The following KALRN variants were observed in gnomAD, a reference collection of about 807,000 sequenced individuals.
KALRN encodes kalirin RhoGEF kinase, also known as kalirin.
A neutral mutation model predicts 353.7 loss-of-function variants in KALRN; 70 were observed. The observed-to-expected ratio is 0.20, with a 90% CI of 0.16 to 0.24. The LOEUF (loss-of-function observed/expected upper bound fraction) is 0.24. KALRN is among the 10% of genes least tolerant of loss of function. The pLI is 1.00. For synonymous variants in KALRN, 1,391 were observed against 1,434.8 expected, an observed-to-expected ratio of 0.97 and a Z score of 0.69; for missense variants, 2,791 against 3,756.7, an observed-to-expected ratio of 0.74 and a Z score of 6.72.
chr3:124,430,496 G>C (rs1333253102), intron 15 of KALRN, among the ~76,000 whole-genome samples, 160 bp from the exon 16 acceptor site: 1 of 152,148 alleles, frequency 6.6e-6, no homozygotes, highest in Non-Finnish European at 1.5e-5. Flanking sequence ...CTGTATGATT[G>C]GGGAGATGAC....
At chr3:124,699,847 C>T (rs2062235464) in intron 55 of KALRN, 22 bp from the exon 56 acceptor site, 2 of 1,612,574 alleles carry the variant, frequency 1.2e-6, no homozygotes, top group Non-Finnish European at 1.7e-6. Flanking sequence ...CTCTTTCCCT[C>T]TCCTGGGAAA....
chr3:124,263,486 G>T (rs985987348), intron 3 of KALRN, among the ~76,000 whole-genome samples: 1 of 152,088 alleles, frequency 6.6e-6, no homozygotes, highest in African/African-American at 2.4e-5. Context: ...CTGAGGCAGG[G>T]GGATCATTTG....
intron 47 of KALRN, among the ~76,000 whole-genome samples, chr3:124,670,953 C>T (rs529689118): frequency 6.6e-5 from 10 of 152,284 alleles, no homozygotes; most frequent in African/African-American, 2.4e-4. Context: ...GTCACAGTCT[C>T]ATCTCTCCCG....
chr3:124,263,746 C>A, intron 3 of KALRN, among the ~76,000 whole-genome samples: 1 of 152,048 alleles, frequency 6.6e-6, no homozygotes, highest in African/African-American at 2.4e-5. Flanking sequence ...ATTCTTTGGC[C>A]CAGTTTGGGC....
chr3:124,713,635 T>TGCTTAGG (rs2062995583), intron 58 of KALRN, among the ~76,000 whole-genome samples: 1 of 152,172 alleles, frequency 6.6e-6, no homozygotes, highest in Non-Finnish European at 1.5e-5. Context: ...TAGGCAACCA[T>TGCTTAGG]ATACGTGACC....
chr3:124,202,063 A>G (rs2075989278), intron 1 of KALRN, among the ~76,000 whole-genome samples: 1 of 152,178 alleles, frequency 6.6e-6, no homozygotes, highest in African/African-American at 2.4e-5. Context: ...ACCTCCCTTC[A>G]CTTGCAGGGG....
chr3:124,526,002 T>C (rs1464087039), intron 33 of KALRN, among the ~76,000 whole-genome samples: 1 of 152,180 alleles, frequency 6.6e-6, no homozygotes, highest in Non-Finnish European at 1.5e-5. Context: ...GACATTTCAG[T>C]TTAATGGCAC....
intron 17 of KALRN, among the ~76,000 whole-genome samples, chr3:124,435,600 T>C (rs1252369757): frequency 8.5e-5 from 13 of 152,192 alleles, no homozygotes; most frequent in African/African-American, 3.1e-4. Flanking sequence ...ACAGGGACCA[T>C]CGGAAAGTCT....
chr3:124,690,243 G>T (rs1578968914), intron 51 of KALRN, among the ~76,000 whole-genome samples: 1 of 152,254 alleles, frequency 6.6e-6, no homozygotes, highest in Non-Finnish European at 1.5e-5. Context: ...AAAACAATAT[G>T]GTCCTTGTCC....
rs56098940 is a variant in KALRN at position 124,650,824 on chromosome 3, C to T, written c.5681C>T (p.Ser1894Leu). The T allele has an allele frequency of 0.015, 23,908 of 1,613,682 alleles. 221 individuals are homozygous for T. Among genetic ancestry groups the T allele is most frequent in the Non-Finnish European group, 0.018 (20,981 of 1,179,612 alleles). ...VKNKLSLEGS[S>L]YRGSLKDPAG... Reference sequence around the variant, plus strand: ...TCTTTTCAGAGTCTAGAAGGAAGCTCATACCGGGGGAGCTTGAAAGACCCT... The same window carrying T: ...TCTTTTCAGAGTCTAGAAGGAAGCTTATACCGGGGGAGCTTGAAAGACCCT... Residue 1894 changes from serine (S) to leucine (L), a missense_variant, in exon 38 of 60, where the codon TCA (serine) becomes TTA (leucine). Ser to Leu is a moderately radical substitution (Grantham distance 145). Transcript: ENST00000682506.
Position 124,353,006 on chromosome 3 carries a change from A to C in KALRN, c.1770+5741A>C, listed in dbSNP as rs528031413. On this transcript the variant is annotated intron_variant, in intron 10 of 59. Transcript: ENST00000682506. ...TGTGCACACGTACCCCAGAACTGAA[A>C]GTATAACAATAAAAAATAAGAGCTA... Among the ~76,000 whole-genome samples, 3 of 152,368 alleles carry C rather than the reference A, an allele frequency of 2.0e-5. No individual in the cohort carries two copies. In the South Asian group the frequency reaches 6.2e-4, roughly 32 times the overall value.
At chr3:124,043,876 C>T (rs532917224) in intron 1 of KALRN, among the ~76,000 whole-genome samples, 26 of 151,970 alleles carry the variant, frequency 1.7e-4, no homozygotes, top group African/African-American at 6.0e-4. Context: ...GAAAGGCAAG[C>T]GGGGAAAGAA....
chr3:124,675,800 C>G (rs2087122511), intron 49 of KALRN, among the ~76,000 whole-genome samples: 2 of 152,220 alleles, frequency 1.3e-5, no homozygotes, highest in African/African-American at 4.8e-5. Context: ...GCTGCTTTCC[C>G]CTGCTGCATA....
chr3:124,326,989 C>T lies in KALRN; in HGVS notation c.1284+818C>T, dbSNP rs538535396. Among the ~76,000 whole-genome samples, 21 of 152,056 alleles carry T rather than the reference C, an allele frequency of 1.4e-4. No homozygotes were observed. In the South Asian group the frequency reaches 2.7e-3, roughly 20 times the overall value. On this transcript the variant is annotated intron_variant, in intron 7 of 59. Coordinates refer to ENST00000682506, the MANE Select transcript of KALRN (RefSeq NM_001388419.1). ...TTTATTTTTTCTGTGGTGGAAATAC[C>T]GTACAATTGTGTGCTATGTATGGAT... is the stretch of plus-strand genomic sequence containing the variant.
At chr3:124,227,630 C>T (rs2078673792) in intron 1 of KALRN, among the ~76,000 whole-genome samples, 1 of 146,690 alleles carries the variant, frequency 6.8e-6, no homozygotes, top group Admixed American at 6.8e-5. Context: ...TTAAAAGTCC[C>T]CCGGCTTCAA....
intron 34 of KALRN, among the ~76,000 whole-genome samples, chr3:124,623,428 A>ACAC (rs1554055226): frequency 1.6e-5 from 2 of 122,728 alleles, no homozygotes; most frequent in South Asian, 2.7e-4. Flanking sequence ...ACACACACAC[A>ACAC]AAAGGGAGTT....
intron 10 of KALRN, among the ~76,000 whole-genome samples, chr3:124,366,842 C>G (rs577788289): frequency 2.9e-4 from 42 of 145,510 alleles, no homozygotes; most frequent in African/African-American, 1.1e-3. Context: ...GTCTGACCCC[C>G]CCACCTCCCT....
chr3:124,495,308 C>A lies in KALRN; in HGVS notation c.4833-1003C>A, dbSNP rs115211945. 9.4e-3 allele frequency among the ~76,000 whole-genome samples: 1,436 copies of A among 152,184 alleles called. 19 individuals are homozygous for A. Among genetic ancestry groups the A allele is most frequent in the African/African-American group, 0.033 (1,360 of 41,502 alleles). On this transcript the variant is annotated intron_variant, in intron 32 of 59. Coordinates refer to ENST00000682506, the MANE Select transcript of KALRN (RefSeq NM_001388419.1). ...CATGCATGAGATCCTCAAAACCCAG[C>A]CAGATGAAGGCAATAAATTCCTTCT...
intron 27 of KALRN, 147 bp from the exon 28 acceptor site, chr3:124,482,661 C>A: frequency 1.7e-6 from 1 of 594,408 alleles, no homozygotes; most frequent in East Asian, 2.8e-5. Flanking sequence ...TTTTTACTCC[C>A]CTCTCCCTAT....
Sources: allele counts gnomAD v4.1 joint callset (sites outside exome capture counted in the v4.1 genomes callset), GRCh38; gene constraint gnomAD v4.1.1; transcripts MANE v1.5; gene names NCBI Gene and HGNC (gene_info 2026-07-23, HGNC 2026-07-21).